Variants in SPAG9 observed in about 807,000 individuals in gnomAD.
The protein encoded by SPAG9 is sperm associated antigen 9.
Under a neutral mutation model 166.5 loss-of-function variants are expected in SPAG9, and 35 were observed. The ratio of observed to expected loss-of-function variants is 0.21; its 90% CI spans 0.16 to 0.28. The LOEUF (loss-of-function observed/expected upper bound fraction) is 0.28. SPAG9 is among the 10% of genes least tolerant of loss of function. SPAG9 has a pLI of 1.00. For missense variants in SPAG9, 1,235 were observed against 1,603.3 expected, an observed-to-expected ratio of 0.77 and a Z score of 3.92; for synonymous variants, 534 against 565.5, an observed-to-expected ratio of 0.94 and a Z score of 0.79.
At chr17:51,098,596 G>A (rs555375562) in intron 1 of SPAG9, among the ~76,000 whole-genome samples, 3 of 152,060 alleles carry the variant, frequency 2.0e-5, no homozygotes, top group East Asian at 2.0e-4. Context: ...GGGTTCAACC[G>A]ATTCTCCTAA....
chr17:51,003,670 T>C (rs2045064386), intron 12 of SPAG9, among the ~76,000 whole-genome samples: 1 of 152,198 alleles, frequency 6.6e-6, no homozygotes, highest in Non-Finnish European at 1.5e-5. Context: ...GCTTTCATTA[T>C]CCACATTTTG....
At chr17:51,028,326 C>T (rs2046267625) in intron 6 of SPAG9, among the ~76,000 whole-genome samples, 1 of 152,070 alleles carries the variant, frequency 6.6e-6, no homozygotes, top group African/African-American at 2.4e-5. Context: ...CAGTAATGTC[C>T]AGTAATGCTC....
chr17:51,076,673 T>C (rs1034763017), intron 2 of SPAG9, among the ~76,000 whole-genome samples: 3 of 151,238 alleles, frequency 2.0e-5, no homozygotes, highest in African/African-American at 7.3e-5. Context: ...GGGGCGGAGG[T>C]TGCAGTGAGC....
intron 21 of SPAG9, 93 bp from the exon 22 acceptor site, chr17:50,987,330 CATTTGTTTATT>C: frequency 8.7e-7 from 1 of 1,143,884 alleles, no homozygotes; most frequent in Non-Finnish European, 1.2e-6. Flanking sequence ...TAAGTTTGTT[CATTTGTTTATT>C]ATTTATTTAT....
intron 29 of SPAG9, among the ~76,000 whole-genome samples, chr17:50,968,638 T>A (rs1003756102): frequency 1.3e-5 from 2 of 151,950 alleles, no homozygotes; most frequent in Non-Finnish European, 2.9e-5. Flanking sequence ...GGCTGAGGCA[T>A]GAGAATTGCT....
At chr17:51,070,192 G>A (rs958402369) in intron 2 of SPAG9, among the ~76,000 whole-genome samples, 1 of 151,802 alleles carries the variant, frequency 6.6e-6, no homozygotes, top group African/African-American at 2.4e-5. Context: ...TCCACAAAAG[G>A]CAATGGCTCT....
intron 6 of SPAG9, among the ~76,000 whole-genome samples, chr17:51,024,817 A>C (rs1166870432): frequency 6.6e-6 from 1 of 152,046 alleles, no homozygotes; most frequent in Non-Finnish European, 1.5e-5. Context: ...GCAACACAGC[A>C]AGATCCCATC....
intron 1 of SPAG9, among the ~76,000 whole-genome samples, chr17:51,119,794 A>G (rs955457774): frequency 1.3e-5 from 2 of 152,210 alleles, no homozygotes; most frequent in African/African-American, 4.8e-5. Flanking sequence ...CTAAAAGTTG[A>G]CAAAGTGTCA....
At chr17:50,994,946 A>G in intron 18 of SPAG9, 111 bp downstream of exon 18, 1 of 722,188 alleles carries the variant, frequency 1.4e-6, no homozygotes, top group Non-Finnish European at 2.3e-6. Context: ...AGGGACAGTA[A>G]GCCAGGGCAT....
intron 1 of SPAG9, among the ~76,000 whole-genome samples, chr17:51,110,404 A>AT: frequency 6.6e-6 from 1 of 151,224 alleles, no homozygotes; most frequent in Non-Finnish European, 1.5e-5. Flanking sequence ...AAAAAAAAAA[A>AT]CCCTAGCTGG....
chr17:50,980,607 C>T (rs576117340), intron 25 of SPAG9, among the ~76,000 whole-genome samples: 4 of 152,000 alleles, frequency 2.6e-5, no homozygotes, highest in African/African-American at 9.6e-5. Flanking sequence ...GTGGCTCACA[C>T]CTGTAATCCC....
Position 50,999,497 on chromosome 17 carries a change from A to T in SPAG9, c.1664+164T>A, listed in dbSNP as rs764198789. ...TTACCGAGTTGGCACACTATATATTAAAAAAAAAAAAAAAGTTCAGTTTAG... is the reference window on the plus strand; with the variant it reads ...TTACCGAGTTGGCACACTATATATTTAAAAAAAAAAAAAAGTTCAGTTTAG... On this transcript the variant is annotated intron_variant, in intron 14 of 29. Coordinates refer to ENST00000262013, the MANE Select transcript of SPAG9 (RefSeq NM_001130528.3). The T allele has an allele frequency of 1.1e-4, 36 of 329,502 alleles. No individual in the cohort carries two copies. In the Middle Eastern group the frequency reaches 7.8e-3, roughly 71 times the overall value. 20.4% of individuals were successfully genotyped at this position (329,502 alleles called of 1,614,324 possible).
chr17:51,056,497 C>T lies in SPAG9; in HGVS notation c.425-15G>A, dbSNP rs769560419. 7.2e-6 allele frequency: 11 copies of T among 1,517,400 alleles called. No individual in the cohort carries two copies. The highest frequency in any genetic ancestry group is 3.4e-5 in the Admixed American group (2 of 59,464). 94.0% of individuals were successfully genotyped at this position (1,517,400 alleles called of 1,614,324 possible). ...AAGTCTGCTAACTGAAATTAAGATA[C>T]ATACACTTGATCAAAACAAAATAAG... is the stretch of plus-strand genomic sequence containing the variant. On this transcript the variant is annotated splice_polypyrimidine_tract_variant and intron_variant, in intron 2 of 29. Coordinates refer to ENST00000262013, the MANE Select transcript of SPAG9 (RefSeq NM_001130528.3).
At chr17:51,117,708 CAAAA>C (rs397856959) in intron 1 of SPAG9, among the ~76,000 whole-genome samples, 14 of 41,738 alleles carry the variant, frequency 3.4e-4, no homozygotes, top group African/African-American at 1.3e-3. Context: ...GACTCCGTCT[CAAAA>C]AAAAAAAAAA....
intron 1 of SPAG9, among the ~76,000 whole-genome samples, chr17:51,089,122 C>CA (rs1220398997): frequency 5.0e-4 from 72 of 144,854 alleles, no homozygotes; most frequent in East Asian, 2.5e-3. Flanking sequence ...CACACACACA[C>CA]AAAAAAAAAA....
chr17:51,114,874 C>T lies in SPAG9; in HGVS notation c.303+5480G>A, dbSNP rs60962052. ...AGCTGAGGCAGGAGAATTGCTTGAACCTGGGAGGCAGAGGTTGCAATGAGC... is the reference window on the plus strand; with the variant it reads ...AGCTGAGGCAGGAGAATTGCTTGAATCTGGGAGGCAGAGGTTGCAATGAGC... On this transcript the variant is annotated intron_variant, in intron 1 of 29. Coordinates refer to ENST00000262013, the MANE Select transcript of SPAG9 (RefSeq NM_001130528.3). Among the ~76,000 whole-genome samples, 843 of 151,772 alleles carry T rather than the reference C, an allele frequency of 5.6e-3. 5 individuals are homozygous for T. The highest frequency in any genetic ancestry group is 0.019 in the African/African-American group (778 of 41,406).
In SPAG9 at chr17:51,005,548, C is replaced by T. The variant is rs138850122; in HGVS notation, c.1425-285G>A. ...CTAACTCTTTTTGCATCATTATAGA[C>T]ATAAAAAATAACAATATTTAGGCCG... On this transcript the variant is annotated intron_variant, in intron 11 of 29. Transcript: ENST00000262013. Among the ~76,000 whole-genome samples, 137 of 152,308 alleles carry T rather than the reference C, an allele frequency of 9.0e-4. 1 individual carries two copies. Among genetic ancestry groups the T allele is most frequent in the Middle Eastern group, 3.4e-3 (1 of 294 alleles).
chr17:51,034,094 T>C (rs1392461383), intron 5 of SPAG9, among the ~76,000 whole-genome samples: 8 of 152,198 alleles, frequency 5.3e-5, no homozygotes, highest in Admixed American at 5.2e-4. Context: ...AGTTATCACA[T>C]GAAGATATAT....
chr17:51,075,419 C>T (rs575267928), intron 2 of SPAG9, among the ~76,000 whole-genome samples: 1 of 152,102 alleles, frequency 6.6e-6, no homozygotes, highest in African/African-American at 2.4e-5. Flanking sequence ...TTTAAAGGTA[C>T]TTTGATATCA....
Sources: allele counts gnomAD v4.1 joint callset (sites outside exome capture counted in the v4.1 genomes callset), GRCh38; gene constraint gnomAD v4.1.1; transcripts MANE v1.5; gene names NCBI Gene and HGNC (gene_info 2026-07-23, HGNC 2026-07-21).